SNTG2: variants seen among roughly 807,000 people sequenced by gnomAD.
SNTG2 encodes syntrophin gamma 2, also known as gamma-2-syntrophin.
In SNTG2, 74 loss-of-function variants were observed where a neutral mutation model predicts 70.9. The ratio of observed to expected loss-of-function variants is 1.04; its 90% CI spans 0.86 to 1.27. The LOEUF (loss-of-function observed/expected upper bound fraction) is 1.27. Ranked by LOEUF, SNTG2 falls within the 50% of genes most tolerant of loss-of-function variation. The probability of loss-of-function intolerance (pLI) is 0.00; values close to 1 mark genes in which losing one functional copy is unlikely to be tolerated. For missense variants in SNTG2, 717 were observed against 690.7 expected, an observed-to-expected ratio of 1.04 and a Z score of -0.43; for synonymous variants, 278 against 273.8, an observed-to-expected ratio of 1.02 and a Z score of -0.15.
chr2:1,267,899 G>A (rs1401368390), intron 14 of SNTG2, among the ~76,000 whole-genome samples: 1 of 152,196 alleles, frequency 6.6e-6, no homozygotes, highest in Non-Finnish European at 1.5e-5. Flanking sequence ...TCTAGCCTGT[G>A]CTCCGGGAGA....
At chr2:1,182,127 C>T (rs1671945257) in intron 8 of SNTG2, among the ~76,000 whole-genome samples, 1 of 152,062 alleles carries the variant, frequency 6.6e-6, no homozygotes. Context: ...CTTTTCCTCG[C>T]CTTGGGAGAT....
chr2:1,049,709 A>T (rs1484759741), intron 1 of SNTG2, among the ~76,000 whole-genome samples: 1 of 152,208 alleles, frequency 6.6e-6, no homozygotes, highest in East Asian at 1.9e-4. Context: ...GTTTTGTGAG[A>T]GACTGCCACA....
chr2:1,043,023 C>G (rs4493299), intron 1 of SNTG2, among the ~76,000 whole-genome samples: 12,144 of 152,236 alleles, frequency 0.08, 745 homozygotes, highest in Admixed American at 0.2. Context: ...TACAACTTTG[C>G]TAGCATCTGT....
At chr2:1,240,585 A>G (rs900865381) in intron 11 of SNTG2, among the ~76,000 whole-genome samples, 8 of 152,266 alleles carry the variant, frequency 5.3e-5, no homozygotes, top group Non-Finnish European at 1.2e-4. Flanking sequence ...TGAGAAAAAC[A>G]TGTTCGCTTT....
At chr2:1,315,322 G>A (rs368528039) in intron 15 of SNTG2, among the ~76,000 whole-genome samples, 24 of 152,134 alleles carry the variant, frequency 1.6e-4, no homozygotes, top group Non-Finnish European at 2.4e-4. Flanking sequence ...GCGTGTGGGC[G>A]GGAAATAAAC....
chr2:1,106,390 G>T (rs1666154715), intron 4 of SNTG2, among the ~76,000 whole-genome samples: 1 of 127,804 alleles, frequency 7.8e-6, no homozygotes, highest in Non-Finnish European at 1.7e-5. Context: ...GTGGATGCGT[G>T]CTGTCACTCG....
Position 1,247,340 on chromosome 2 carries a change from G to A in SNTG2, c.902G>A (p.Gly301Glu), listed in dbSNP as rs1242062393. Residue 301 changes from glycine to glutamate, a missense_variant, in exon 12 of 17, where the codon GGG becomes GAG. Transcript: ENST00000308624. Reference sequence around the variant, plus strand: ...ACCCCTCTGCAGGTTGTGCATATGGGGTGGGTAAATGAGAAACTCCAAGGA... The same window carrying A: ...ACCCCTCTGCAGGTTGTGCATATGGAGTGGGTAAATGAGAAACTCCAAGGA... Reference protein sequence around the residue: ...CSPSDQVVHMGWVNEKLQGAD... With the variant: ...CSPSDQVVHMEWVNEKLQGAD... The A allele has an allele frequency of 6.2e-7, 1 of 1,613,000 alleles. No homozygotes were observed.
At chr2:1,207,503 C>T (rs946335185) in intron 8 of SNTG2, among the ~76,000 whole-genome samples, 1 of 152,192 alleles carries the variant, frequency 6.6e-6, no homozygotes, top group African/African-American at 2.4e-5. Flanking sequence ...GTGTCCATTC[C>T]CCCATCCCAC....
chr2:1,354,308 T>C lies in SNTG2; in HGVS notation c.1489-13035T>C, dbSNP rs556073142. Among the ~76,000 whole-genome samples, 78 of 61,280 alleles carry C rather than the reference T, an allele frequency of 1.3e-3. 18 individuals carry two copies. In the South Asian group the frequency reaches 0.018, roughly 14 times the overall value. 40.2% of individuals were successfully genotyped at this position (61,280 alleles called of 152,430 possible). A position where few individuals can be genotyped will look rare whatever the true frequency, so the allele number is the denominator to read the frequency against. ...AGTTCCCTGAGCCTCATCTGTAAAG[T>C]GGATACGTTTCCATGGGGGAAGTGG... On this transcript the variant is annotated intron_variant, in intron 16 of 16. Coordinates refer to ENST00000308624, the MANE Select transcript of SNTG2 (RefSeq NM_018968.4).
intron 6 of SNTG2, 123 bp downstream of exon 6, chr2:1,137,932 C>A: frequency 1.0e-6 from 1 of 1,002,610 alleles, no homozygotes; most frequent in Non-Finnish European, 1.5e-6. Flanking sequence ...AAAGAAAGCT[C>A]AAAGGTTTAG....
chr2:1,084,261 C>T (rs1664535047), intron 2 of SNTG2, among the ~76,000 whole-genome samples: 1 of 152,108 alleles, frequency 6.6e-6, no homozygotes, highest in Non-Finnish European at 1.5e-5. Flanking sequence ...GGGGCATTTC[C>T]CCCCTTACTC....
At chr2:1,313,171 T>C (rs1029394877) in intron 15 of SNTG2, among the ~76,000 whole-genome samples, 1 of 152,248 alleles carries the variant, frequency 6.6e-6, no homozygotes, top group Non-Finnish European at 1.5e-5. Flanking sequence ...AAGTGAGATG[T>C]GATTATCATC....
intron 4 of SNTG2, among the ~76,000 whole-genome samples, chr2:1,137,183 C>A (rs967576913): frequency 1.3e-5 from 2 of 152,204 alleles, no homozygotes; most frequent in Non-Finnish European, 2.9e-5. Flanking sequence ...ATTTCCCACA[C>A]CCCTGTGGAC....
At chr2:1,004,683 C>T (rs956571348) in intron 1 of SNTG2, among the ~76,000 whole-genome samples, 5 of 152,136 alleles carry the variant, frequency 3.3e-5, no homozygotes, top group African/African-American at 7.2e-5. Context: ...GGATGTGGAG[C>T]GATGGGGACT....
At chr2:1,038,065 A>G (rs965637820) in intron 1 of SNTG2, among the ~76,000 whole-genome samples, 6 of 152,172 alleles carry the variant, frequency 3.9e-5, no homozygotes, top group African/African-American at 1.2e-4. Context: ...CCAGTGGTAT[A>G]TGAAAGTTCC....
intron 1 of SNTG2, among the ~76,000 whole-genome samples, chr2:981,870 C>T (rs943610410): frequency 2.6e-5 from 4 of 152,162 alleles, no homozygotes; most frequent in African/African-American, 9.7e-5. Flanking sequence ...CACACAGATG[C>T]ACACAGATAT....
intron 9 of SNTG2, among the ~76,000 whole-genome samples, chr2:1,232,814 A>G (rs1329780253): frequency 6.6e-6 from 1 of 152,262 alleles, no homozygotes; most frequent in African/African-American, 2.4e-5. Flanking sequence ...AAATTCTGAA[A>G]CATACACGTT....
At chr2:1,146,532 G>A (rs1669120504) in intron 6 of SNTG2, among the ~76,000 whole-genome samples, 1 of 152,008 alleles carries the variant, frequency 6.6e-6, no homozygotes, top group Non-Finnish European at 1.5e-5. Flanking sequence ...AAAGTTTTGT[G>A]GATATTGACA....
At chr2:1,081,357 C>T (rs1664283710) in intron 1 of SNTG2, among the ~76,000 whole-genome samples, 1 of 152,244 alleles carries the variant, frequency 6.6e-6, no homozygotes, top group Non-Finnish European at 1.5e-5. Flanking sequence ...CTGCGGGCAC[C>T]TACGTTTCAT....
Sources: allele counts gnomAD v4.1 joint callset (sites outside exome capture counted in the v4.1 genomes callset), GRCh38; gene constraint gnomAD v4.1.1; transcripts MANE v1.5; gene names NCBI Gene and HGNC (gene_info 2026-07-23, HGNC 2026-07-21).